GSE1: variants seen among roughly 807,000 people sequenced by gnomAD.
The protein encoded by GSE1 is genetic suppressor element 1.
GSE1 carries 32 observed loss-of-function variants against 112.6 expected under a neutral mutation model. That is an observed-to-expected ratio of 0.28 (90% CI 0.21 to 0.38). The LOEUF (loss-of-function observed/expected upper bound fraction) is 0.38, where lower values mean the gene tolerates loss of function less well. Ranked by LOEUF, GSE1 falls within the 10% of genes least tolerant of loss-of-function variation. The pLI is 1.00. For synonymous variants in GSE1, 1,115 were observed against 735.6 expected (o/e 1.52, Z -8.35); for missense variants, 2,348 against 1,699.2 (o/e 1.38, Z -6.71).
At chr16:85,265,617 G>A (rs912335552) in intron 1 of GSE1, among the ~76,000 whole-genome samples, 2 of 152,118 alleles carry the variant, frequency 1.3e-5, no homozygotes, top group Non-Finnish European at 2.9e-5. Context: ...CTCCAAATCA[G>A]CTGACTCCAG....
intron 1 of GSE1, among the ~76,000 whole-genome samples, chr16:85,571,127 G>C (rs1481308204): frequency 6.6e-6 from 1 of 152,216 alleles, no homozygotes; most frequent in East Asian, 1.9e-4. Flanking sequence ...GATTCAGCGG[G>C]TCTGGGAGGG....
chr16:85,256,423 C>T (rs1907085601), intron 1 of GSE1, among the ~76,000 whole-genome samples: 1 of 152,238 alleles, frequency 6.6e-6, no homozygotes, highest in South Asian at 2.1e-4. Flanking sequence ...CTCATTCAGC[C>T]TTAGAGTAGC....
intron 2 of GSE1, among the ~76,000 whole-genome samples, chr16:85,524,104 A>G (rs2052283876): frequency 6.6e-6 from 1 of 152,118 alleles, no homozygotes; most frequent in East Asian, 1.9e-4. Context: ...TCCGGGGCCC[A>G]GGTCTGGGGG....
chr16:85,648,960 ATCAGTCTG>A (rs1455678111), intron 3 of GSE1, among the ~76,000 whole-genome samples: 1 of 151,876 alleles, frequency 6.6e-6, no homozygotes, highest in East Asian at 1.9e-4. Flanking sequence ...CGGCCCACGC[ATCAGTCTG>A]TCAGAAGAAA....
chr16:85,187,972 C>A (rs1323206440), intron 1 of GSE1, among the ~76,000 whole-genome samples: 2 of 152,246 alleles, frequency 1.3e-5, no homozygotes, highest in African/African-American at 4.8e-5. Context: ...CCACCCTGGC[C>A]TTGTAGCAGG....
At position 85,171,365 on chromosome 16, in the gene GSE1, G is replaced by C. The variant is rs915692944; in HGVS notation, c.1841G>C (p.Ser614Thr). 32 of 985,654 alleles carry C rather than the reference G, an allele frequency of 3.2e-5. No individual in the cohort carries two copies. In the Admixed American group the frequency reaches 1.8e-3, roughly 57 times the overall value. 61.1% of individuals were successfully genotyped at this position (985,654 alleles called of 1,614,324 possible). A position where few individuals can be genotyped will look rare whatever the true frequency, so the allele number is the denominator to read the frequency against. The change falls in exon 1 of 3, where the codon AGC becomes ACC. Residue 614 changes from serine (S) to threonine (T), a missense_variant. Physicochemically the swap from Ser to Thr is moderately conservative, Grantham distance 58. Coordinates refer to the GSE1 transcript ENST00000637419. ...TTCCAGCTCAACGTGAACCCCGCCA[G>C]CCGCTTGGGCGAGAAGGAGCCCTTC...
chr16:85,417,202 G>A (rs1190992768), intron 2 of GSE1, among the ~76,000 whole-genome samples: 1 of 152,196 alleles, frequency 6.6e-6, no homozygotes, highest in Non-Finnish European at 1.5e-5. Context: ...ATTTTGGGTG[G>A]TGGGGGCCAT....
At chr16:85,662,868 G>C in intron 9 of GSE1, 113 bp from the exon 10 acceptor site, 1 of 722,146 alleles carries the variant, frequency 1.4e-6, no homozygotes, top group East Asian at 2.6e-5. Flanking sequence ...AGGGTGTTCA[G>C]GTGCCAGCAG....
At chr16:85,492,442 A>G (rs2051041019) in intron 2 of GSE1, among the ~76,000 whole-genome samples, 1 of 152,212 alleles carries the variant, frequency 6.6e-6, no homozygotes, top group Admixed American at 6.5e-5. Context: ...AATGATGGCA[A>G]CAGCAGTAAA....
chr16:85,517,804 G>A (rs1298972206), intron 2 of GSE1, among the ~76,000 whole-genome samples: 1 of 152,274 alleles, frequency 6.6e-6, no homozygotes, highest in Non-Finnish European at 1.5e-5. Context: ...TCCGCCTCAT[G>A]GCCTCACATG....
intron 2 of GSE1, among the ~76,000 whole-genome samples, chr16:85,378,293 C>G (rs536628251): frequency 6.6e-6 from 1 of 152,334 alleles, no homozygotes; most frequent in South Asian, 2.1e-4. Flanking sequence ...TCGGTGTCCT[C>G]CATGCTGCTG....
chr16:85,376,121 A>C (rs2047415163), intron 2 of GSE1, among the ~76,000 whole-genome samples: 1 of 152,112 alleles, frequency 6.6e-6, no homozygotes, highest in Non-Finnish European at 1.5e-5. Context: ...CAAAGAAGGT[A>C]CAGACTCCAG....
chr16:85,585,159 A>C (rs2046631436), intron 1 of GSE1, among the ~76,000 whole-genome samples: 1 of 152,172 alleles, frequency 6.6e-6, no homozygotes. Flanking sequence ...GTCTCTGGCG[A>C]GGCCACAGAG....
At chr16:85,384,690 A>T (rs1053667105) in intron 2 of GSE1, among the ~76,000 whole-genome samples, 3 of 152,186 alleles carry the variant, frequency 2.0e-5, no homozygotes. Flanking sequence ...ATTGTTCTGG[A>T]TGCCTCAGAG....
intron 2 of GSE1, among the ~76,000 whole-genome samples, chr16:85,440,695 A>G (rs766596539): frequency 5.3e-5 from 8 of 152,190 alleles, no homozygotes; most frequent in Non-Finnish European, 1.0e-4. Context: ...CAGGTTGGGT[A>G]AGTTCTGGTG....
chr16:85,295,100 G>C (rs1157867554), intron 1 of GSE1, among the ~76,000 whole-genome samples: 1 of 151,876 alleles, frequency 6.6e-6, no homozygotes, highest in Admixed American at 6.6e-5. Flanking sequence ...CGAGGGTTCG[G>C]GTTTCAACCT....
intron 1 of GSE1, among the ~76,000 whole-genome samples, chr16:85,220,553 G>C (rs555303892): frequency 1.3e-5 from 2 of 152,236 alleles, no homozygotes; most frequent in African/African-American, 4.8e-5. Context: ...GACTTTGGTC[G>C]TCAAACCACC....
intron 11 of GSE1, 27 bp from the exon 12 acceptor site, chr16:85,664,988 G>A (rs767058617): frequency 1.4e-5 from 20 of 1,401,472 alleles, no homozygotes; most frequent in East Asian, 4.6e-5. Flanking sequence ...CAACTGGCTC[G>A]TTAATCTCAG....
chr16:85,311,042 A>G lies in GSE1; in HGVS notation c.2284-46421A>G, dbSNP rs373871767. ...CAGCCGCCTTTCCGCGGCCGTCAGC[A>G]ATGGCCATGGCTCTGTCAAGAAGGA... is the stretch of plus-strand genomic sequence containing the variant. On this transcript the variant is annotated intron_variant, in intron 1 of 2. Transcript: ENST00000637419. The surrounding 1 kb of genome is among the most constrained non-coding windows in gnomAD (Gnocchi z 4.2). Among the ~76,000 whole-genome samples the G allele has an allele frequency of 3.0e-3, 460 of 152,330 alleles. 1 individual carries two copies. Among genetic ancestry groups the G allele is most frequent in the African/African-American group, 0.011 (448 of 41,588 alleles).
Sources: allele counts gnomAD v4.1 joint callset (sites outside exome capture counted in the v4.1 genomes callset), GRCh38; gene constraint gnomAD v4.1.1; non-coding constraint Gnocchi (gnomAD v3.1); transcripts MANE v1.5; gene names NCBI Gene and HGNC (gene_info 2026-07-23, HGNC 2026-07-21).